ST6GALNAC3: variants seen among roughly 807,000 people sequenced by gnomAD.
ST6GALNAC3 encodes the protein alpha-N-acetylgalactosaminide alpha-2,6-sialyltransferase 3.
ST6GALNAC3 carries 25 observed loss-of-function variants against 32.7 expected under a neutral mutation model. The ratio of observed to expected loss-of-function variants is 0.76; its 90% CI spans 0.56 to 1.07. The LOEUF is 1.07. Ranked by LOEUF, ST6GALNAC3 falls within the 50% of genes least tolerant of loss-of-function variation. ST6GALNAC3 has a pLI of 0.00. For synonymous variants in ST6GALNAC3, 129 were observed against 133.1 expected, an observed-to-expected ratio of 0.97 and a Z score of 0.21; for missense variants, 355 against 382.4, an observed-to-expected ratio of 0.93 and a Z score of 0.60.
intron 1 of ST6GALNAC3, among the ~76,000 whole-genome samples, chr1:76,080,678 G>A (rs1646882167): frequency 6.6e-6 from 1 of 150,388 alleles, no homozygotes; most frequent in African/African-American, 2.4e-5. Context: ...ACAACCAAAT[G>A]ATTGTGTGGT....
intron 3 of ST6GALNAC3, among the ~76,000 whole-genome samples, chr1:76,600,076 C>G (rs1647198949): frequency 6.6e-6 from 1 of 151,946 alleles, no homozygotes; most frequent in Admixed American, 6.6e-5. Flanking sequence ...GGAAGTGAGG[C>G]CTTTGGGAGG....
chr1:76,229,778 T>A (rs1656265432), intron 1 of ST6GALNAC3, among the ~76,000 whole-genome samples: 1 of 152,154 alleles, frequency 6.6e-6, no homozygotes. Context: ...CCACTTGCTG[T>A]TCCACGTGTG....
At chr1:76,098,479 A>G (rs557035801) in intron 1 of ST6GALNAC3, among the ~76,000 whole-genome samples, 1 of 152,248 alleles carries the variant, frequency 6.6e-6, no homozygotes, top group East Asian at 1.9e-4. Flanking sequence ...TTAGGTAGGC[A>G]GTGGTATCTC....
intron 3 of ST6GALNAC3, among the ~76,000 whole-genome samples, chr1:76,588,237 T>TA (rs988273513): frequency 2.0e-5 from 3 of 151,668 alleles, no homozygotes; most frequent in African/African-American, 7.3e-5. Context: ...AAATATCACT[T>TA]AAAAAAAATA....
chr1:76,094,032 A>T (rs890443454), intron 1 of ST6GALNAC3, among the ~76,000 whole-genome samples: 1 of 152,166 alleles, frequency 6.6e-6, no homozygotes, highest in Non-Finnish European at 1.5e-5. Context: ...CTAAGAACTT[A>T]TGAGGCTTGG....
chr1:76,216,256 T>C (rs1655456132), intron 1 of ST6GALNAC3, among the ~76,000 whole-genome samples: 1 of 152,038 alleles, frequency 6.6e-6, no homozygotes, highest in African/African-American at 2.4e-5. Context: ...TATCCCCATC[T>C]CTCTTACACA....
intron 2 of ST6GALNAC3, among the ~76,000 whole-genome samples, chr1:76,314,510 G>C (rs1461040858): frequency 6.6e-6 from 1 of 152,114 alleles, no homozygotes; most frequent in East Asian, 1.9e-4. Flanking sequence ...ATTTAAAGGG[G>C]TTAAAATCGT....
chr1:76,407,102 C>T (rs1653889204), intron 2 of ST6GALNAC3, among the ~76,000 whole-genome samples: 1 of 151,932 alleles, frequency 6.6e-6, no homozygotes, highest in Non-Finnish European at 1.5e-5. Context: ...TGTAAGGTGG[C>T]AAAATGTCGA....
At position 76,275,017 on chromosome 1, in the gene ST6GALNAC3, C is replaced by T. The variant is rs141800490; in HGVS notation, c.19-38788C>T. The stretch of plus-strand genomic sequence containing the variant: ...GTGAGAGAATAATAGTGTGGTGTCC[C>T]TGTAGACAGAGAAGCTGACTATGCT... On this transcript the variant is annotated intron_variant, in intron 1 of 4. Transcript: ENST00000328299. Among the ~76,000 whole-genome samples the T allele has an allele frequency of 2.9e-3, 439 of 152,288 alleles. 1 individual carries two copies. The highest frequency in any genetic ancestry group is 9.7e-3 in the African/African-American group (404 of 41,554).
intron 3 of ST6GALNAC3, among the ~76,000 whole-genome samples, chr1:76,569,485 C>T (rs1472953447): frequency 1.3e-5 from 2 of 152,086 alleles, no homozygotes; most frequent in African/African-American, 4.8e-5. Context: ...AAACAAGATG[C>T]CTGGGCAAAT....
chr1:76,220,964 G>A (rs985153722), intron 1 of ST6GALNAC3, among the ~76,000 whole-genome samples: 2 of 152,182 alleles, frequency 1.3e-5, no homozygotes, highest in Non-Finnish European at 2.9e-5. Context: ...AGGTGGTCCT[G>A]CCCTGTTGAG....
intron 1 of ST6GALNAC3, among the ~76,000 whole-genome samples, chr1:76,184,403 G>A (rs758854176): frequency 6.6e-6 from 1 of 152,058 alleles, no homozygotes; most frequent in Admixed American, 6.6e-5. Flanking sequence ...GCCGGGTGTG[G>A]TGGCGCATGT....
chr1:76,156,922 G>A lies in ST6GALNAC3; in HGVS notation c.18+82038G>A, dbSNP rs191386412. ...AATTTTTTGTCTTTTTAGTACAGAC[G>A]GGGTTTCACCGTGTTAGCCAGGATG... On this transcript the variant is annotated intron_variant, in intron 1 of 4. Transcript: ENST00000328299. Among the ~76,000 whole-genome samples the A allele has an allele frequency of 9.4e-4, 143 of 152,278 alleles. 1 individual carries two copies. The highest frequency in any genetic ancestry group is 3.2e-3 in the African/African-American group (131 of 41,550).
intron 1 of ST6GALNAC3, among the ~76,000 whole-genome samples, chr1:76,113,984 C>T (rs1264768586): frequency 6.7e-6 from 1 of 150,038 alleles, no homozygotes; most frequent in African/African-American, 2.5e-5. Flanking sequence ...GCCACCACGC[C>T]CGGCTAATTT....
At chr1:76,287,736 C>G (rs1300672269) in intron 1 of ST6GALNAC3, among the ~76,000 whole-genome samples, 1 of 152,174 alleles carries the variant, frequency 6.6e-6, no homozygotes, top group African/African-American at 2.4e-5. Flanking sequence ...AAAAGTTAGT[C>G]CATTGGGTGT....
chr1:76,316,961 G>C (rs1044747661), intron 2 of ST6GALNAC3, among the ~76,000 whole-genome samples: 11 of 152,054 alleles, frequency 7.2e-5, no homozygotes, highest in African/African-American at 2.7e-4. Context: ...TAGGCAATTT[G>C]ATTTTCTATA....
intron 3 of ST6GALNAC3, among the ~76,000 whole-genome samples, chr1:76,567,039 G>A (rs1665595571): frequency 6.6e-6 from 1 of 152,020 alleles, no homozygotes; most frequent in Non-Finnish European, 1.5e-5. Flanking sequence ...AAAAGAATGA[G>A]GACAGGGAAG....
At chr1:76,079,447 T>G (rs542211357) in intron 1 of ST6GALNAC3, among the ~76,000 whole-genome samples, 1 of 152,354 alleles carries the variant, frequency 6.6e-6, no homozygotes, top group East Asian at 1.9e-4. Flanking sequence ...TTAAAAAATA[T>G]AGGTGAATTG....
At chr1:76,425,875 C>T (rs1382493496) in intron 3 of ST6GALNAC3, among the ~76,000 whole-genome samples, 1 of 151,856 alleles carries the variant, frequency 6.6e-6, no homozygotes, top group African/African-American at 2.4e-5. Context: ...ACTGTGTTGC[C>T]CACAGCCCTG....
Sources: allele counts gnomAD v4.1 joint callset (sites outside exome capture counted in the v4.1 genomes callset), GRCh38; gene constraint gnomAD v4.1.1; transcripts MANE v1.5; gene names NCBI Gene and HGNC (gene_info 2026-07-23, HGNC 2026-07-21).